SPAG16: variants seen among roughly 807,000 people sequenced by gnomAD.
The protein encoded by SPAG16 is sperm-associated antigen 16 protein.
Under a neutral mutation model 80.4 loss-of-function variants are expected in SPAG16, and 86 were observed. The ratio of observed to expected loss-of-function variants is 1.07; its 90% confidence interval spans 0.90 to 1.28. The LOEUF (loss-of-function observed/expected upper bound fraction) is 1.28, where lower values mean the gene tolerates loss of function less well. SPAG16 is among the 50% of genes most tolerant of loss of function. The pLI is 0.00. For missense variants in SPAG16, 870 were observed against 765.3 expected, an observed-to-expected ratio of 1.14 and a Z score of -1.61; for synonymous variants, 294 against 265.9, an observed-to-expected ratio of 1.11 and a Z score of -1.03.
intron 13 of SPAG16, among the ~76,000 whole-genome samples, chr2:214,036,976 A>T (rs937191985): frequency 6.6e-6 from 1 of 152,010 alleles, no homozygotes; most frequent in African/African-American, 2.4e-5. Flanking sequence ...TGTCTGTGAA[A>T]TACTAATATT....
At chr2:213,412,928 A>G (rs2069059861) in intron 9 of SPAG16, among the ~76,000 whole-genome samples, 2 of 152,220 alleles carry the variant, frequency 1.3e-5, no homozygotes, top group African/African-American at 4.8e-5. Context: ...TTAAAACATT[A>G]TTATTAAATT....
At chr2:214,022,787 C>T (rs1175729557) in intron 13 of SPAG16, among the ~76,000 whole-genome samples, 1 of 151,824 alleles carries the variant, frequency 6.6e-6, no homozygotes, top group Non-Finnish European at 1.5e-5. Flanking sequence ...TCAGATATAC[C>T]CTATTTCACT....
At chr2:214,084,006 C>T (rs77196273) in intron 13 of SPAG16, among the ~76,000 whole-genome samples, 12,374 of 152,034 alleles carry the variant, frequency 0.081, 689 homozygotes, top group Non-Finnish European at 0.12. Context: ...TCCACATCAC[C>T]GAGACTTTCA....
intron 7 of SPAG16, among the ~76,000 whole-genome samples, chr2:213,353,324 G>A (rs1021740470): frequency 6.6e-6 from 1 of 152,010 alleles, no homozygotes. Context: ...ACATTTCCAT[G>A]TACCCCACTG....
At chr2:213,927,139 G>A (rs1432965098) in intron 11 of SPAG16, among the ~76,000 whole-genome samples, 1 of 152,162 alleles carries the variant, frequency 6.6e-6, no homozygotes, top group Non-Finnish European at 1.5e-5. Context: ...CTCTTTCTCT[G>A]ATTATAAAGG....
intron 15 of SPAG16, among the ~76,000 whole-genome samples, chr2:214,330,928 G>C (rs1278579460): frequency 6.6e-6 from 1 of 152,188 alleles, no homozygotes; most frequent in Non-Finnish European, 1.5e-5. Flanking sequence ...GCACCTCAAA[G>C]AAAGATTTTG....
rs994724056 is a variant in SPAG16 at position 214,010,387 on chromosome 2, A to G, written c.1401-3564A>G. The stretch of plus-strand genomic sequence containing the variant: ...TAAATGGACTAAATTGAGGAGAAAG[A>G]GAAAAAAAAGTCACAGGGGAAGAAA... On this transcript the variant is annotated intron_variant, in intron 12 of 15. Transcript: ENST00000331683. Among the ~76,000 whole-genome samples the G allele has an allele frequency of 8.2e-5, 12 of 147,024 alleles. 2 individuals are homozygous for G. The highest frequency in any genetic ancestry group is 8.0e-4 in the Admixed American group (12 of 15,042).
intron 10 of SPAG16, among the ~76,000 whole-genome samples, chr2:213,630,090 A>G (rs1316671833): frequency 6.6e-6 from 1 of 152,180 alleles, no homozygotes; most frequent in Non-Finnish European, 1.5e-5. Context: ...TTGGCAACTT[A>G]AAGATGTTTC....
chr2:213,455,154 C>G lies in SPAG16; in HGVS notation c.943-34809C>G, dbSNP rs545087750. Among the ~76,000 whole-genome samples the G allele has an allele frequency of 3.9e-5, 6 of 152,304 alleles. 1 individual carries two copies. The South Asian group carries it at 1.2e-3, about 32-fold the overall frequency. On this transcript the variant is annotated intron_variant, in intron 9 of 15. Transcript: ENST00000331683. ...ACTTTTTATTCATTTTCTTATCCCA[C>G]TAACAAGAGCACCTTGAAGTTCTCT...
At chr2:213,421,180 C>A (rs1003171594) in intron 9 of SPAG16, among the ~76,000 whole-genome samples, 1 of 152,252 alleles carries the variant, frequency 6.6e-6, no homozygotes, top group Non-Finnish European at 1.5e-5. Context: ...CCTGCCCCCA[C>A]AGGCTTGGAA....
chr2:213,743,054 C>T (rs1006982037), intron 10 of SPAG16, among the ~76,000 whole-genome samples: 2 of 151,062 alleles, frequency 1.3e-5, no homozygotes, highest in Non-Finnish European at 3.0e-5. Flanking sequence ...CAGGCGCCCG[C>T]CACCACGCCC....
At chr2:213,639,940 T>C (rs1039722859) in intron 10 of SPAG16, among the ~76,000 whole-genome samples, 3 of 152,178 alleles carry the variant, frequency 2.0e-5, no homozygotes, top group African/African-American at 7.2e-5. Flanking sequence ...TCTTAAATTC[T>C]TTTTTTCTTT....
intron 15 of SPAG16, among the ~76,000 whole-genome samples, chr2:214,159,346 T>C (rs1218124737): frequency 6.6e-6 from 1 of 151,996 alleles, no homozygotes; most frequent in African/African-American, 2.4e-5. Flanking sequence ...AGAGTTAAAA[T>C]TTGCAGTGCA....
At chr2:213,480,845 T>C (rs2073711461) in intron 9 of SPAG16, among the ~76,000 whole-genome samples, 1 of 152,210 alleles carries the variant, frequency 6.6e-6, no homozygotes, top group Admixed American at 6.5e-5. Context: ...AACTGACCCT[T>C]TCAGATGTTT....
intron 10 of SPAG16, among the ~76,000 whole-genome samples, chr2:213,495,263 C>G (rs1397825039): frequency 1.3e-5 from 2 of 152,188 alleles, no homozygotes; most frequent in Non-Finnish European, 2.9e-5. Context: ...GACCTAACCC[C>G]TAAGACTTCC....
chr2:214,290,953 C>T (rs1310455700), intron 15 of SPAG16, among the ~76,000 whole-genome samples: 1 of 152,200 alleles, frequency 6.6e-6, no homozygotes, highest in East Asian at 1.9e-4. Context: ...TTTAAATCTA[C>T]TGTATTAACA....
At chr2:213,378,342 G>T (rs935363911) in intron 9 of SPAG16, among the ~76,000 whole-genome samples, 1 of 152,018 alleles carries the variant, frequency 6.6e-6, no homozygotes, top group African/African-American at 2.4e-5. Context: ...ACAAGTCCCC[G>T]CCTTGTCAAC....
chr2:213,455,452 G>A (rs994611522), intron 9 of SPAG16, among the ~76,000 whole-genome samples: 6 of 152,102 alleles, frequency 3.9e-5, no homozygotes, highest in African/African-American at 1.2e-4. Flanking sequence ...ATGGACACCC[G>A]AAATTCCAGA....
chr2:213,659,404 C>G (rs1388974205), intron 10 of SPAG16, among the ~76,000 whole-genome samples: 1 of 151,076 alleles, frequency 6.6e-6, no homozygotes, highest in Non-Finnish European at 1.5e-5. Flanking sequence ...AATGAATATT[C>G]CCTTAATGAA....
Sources: gnomAD v4.1 joint callset for allele counts (sites outside exome capture counted in the v4.1 genomes callset) on GRCh38, gnomAD v4.1.1 for gene constraint, MANE v1.5 for transcripts, NCBI Gene and HGNC (gene_info 2026-07-23, HGNC 2026-07-21) for gene names.